The following CARMIL3 variants were observed in gnomAD, a reference collection of about 807,000 sequenced individuals.
CARMIL3 encodes capping protein regulator and myosin 1 linker 3.
CARMIL3 carries 88 observed loss-of-function variants against 180.8 expected under a neutral mutation model. The observed-to-expected ratio is 0.49, with a 90% confidence interval of 0.41 to 0.58. CARMIL3 has a LOEUF of 0.58. Ranked by LOEUF, CARMIL3 falls within the 20% of genes least tolerant of loss-of-function variation. CARMIL3 has a pLI of 0.00. For missense variants in CARMIL3, 1,548 were observed against 1,787.0 expected, an observed-to-expected ratio of 0.87 and a Z score of 2.41; for synonymous variants, 696 against 714.5, an observed-to-expected ratio of 0.97 and a Z score of 0.41.
chr14:24,057,130 T>C, intron 13 of CARMIL3, 37 bp from the exon 14 acceptor site: 1 of 1,607,292 alleles, frequency 6.2e-7, no homozygotes, highest in Non-Finnish European at 8.5e-7. Context: ...GACTCCATCA[T>C]CCCTTCCCCT....
chr14:24,066,194 A>C (rs1380286458), intron 34 of CARMIL3, among the ~76,000 whole-genome samples: 1 of 152,210 alleles, frequency 6.6e-6, no homozygotes, highest in Non-Finnish European at 1.5e-5. Flanking sequence ...ATATGTAACT[A>C]TAAAGATGGA....
chr14:24,068,246 A>T (rs1294255494), intron 36 of CARMIL3, among the ~76,000 whole-genome samples: 6 of 151,960 alleles, frequency 3.9e-5, no homozygotes, highest in African/African-American at 1.5e-4. Flanking sequence ...AAAATACAAA[A>T]ATTAGCTGGG....
chr14:24,060,912 C>G lies in CARMIL3; in HGVS notation c.2191-15C>G. ...CTGGTTCTGGCCTGCTAATCATAAC[C>G]CCTTCCTTCTCCAGCTGTTTCCCAG... On this transcript the variant is annotated splice_polypyrimidine_tract_variant and intron_variant, in intron 25 of 39. Transcript: ENST00000342740. 1 of 1,550,618 alleles carries G rather than the reference C, an allele frequency of 6.4e-7. No individual in the cohort carries two copies. Among genetic ancestry groups the G allele is most frequent in the Non-Finnish European group, 8.7e-7 (1 of 1,146,126 alleles).
chr14:24,058,871 T>C lies in CARMIL3; in HGVS notation c.1475-19T>C. 6.2e-7 allele frequency: 1 copy of C among 1,614,088 alleles called. No homozygotes were observed. The highest frequency in any genetic ancestry group is 8.5e-7 in the Non-Finnish European group (1 of 1,179,974). Reference sequence around the variant, plus strand: ...CAGCCTCAGGCCTCCAGGCCAGGCCTCTCCCATCTGCTCACCAGGGTTCGA... The same window carrying C: ...CAGCCTCAGGCCTCCAGGCCAGGCCCCTCCCATCTGCTCACCAGGGTTCGA... On this transcript the variant is annotated intron_variant, in intron 18 of 39. Coordinates refer to ENST00000342740, the MANE Select transcript of CARMIL3 (RefSeq NM_138360.4). This position sits in a 1 kb window ranked among gnomAD's most constrained non-coding sequence, Gnocchi z 6.4.
intron 27 of CARMIL3, 104 bp from the exon 28 acceptor site, chr14:24,062,376 G>A: frequency 9.5e-7 from 1 of 1,048,766 alleles, no homozygotes. Flanking sequence ...AGACAGACCA[G>A]GCCAGCTGGC....
chr14:24,064,940 T>TA lies in CARMIL3; in HGVS notation c.3081-17dup, dbSNP rs774024822. 2 of 1,605,918 alleles carry TA rather than the reference T, an allele frequency of 1.2e-6. No individual in the cohort carries two copies. Among genetic ancestry groups the TA allele is most frequent in the Non-Finnish European group, 1.7e-6 (2 of 1,177,620 alleles). On this transcript the variant is annotated splice_polypyrimidine_tract_variant and intron_variant, in intron 32 of 39. Coordinates refer to ENST00000342740, the MANE Select transcript of CARMIL3 (RefSeq NM_138360.4). ...TTGCATCTGGCATTTGTTGCTAACT[T>TA]ACCCCGATTCTCCCCAGCTACCCCC...
Position 24,058,076 on chromosome 14 carries a change from G to A in CARMIL3, c.1322+12G>A, listed in dbSNP as rs2035692392. On this transcript the variant is annotated intron_variant, in intron 16 of 39. Transcript: ENST00000342740. This position sits in a 1 kb window ranked among gnomAD's most constrained non-coding sequence, Gnocchi z 6.4. The stretch of plus-strand genomic sequence containing the variant: ...CTGGAGGCCCTCAGGTCGGGTGGGT[G>A]CAGGGTTGGGGGCGCATCCAAGGGA... 6.2e-7 allele frequency: 1 copy of A among 1,613,720 alleles called. No individual in the cohort carries two copies. Among genetic ancestry groups the A allele is most frequent in the African/African-American group, 1.3e-5 (1 of 74,920 alleles).
At chr14:24,057,320 T>G in intron 14 of CARMIL3, 76 bp downstream of exon 14, 1 of 1,346,878 alleles carries the variant, frequency 7.4e-7, no homozygotes, top group Admixed American at 1.9e-5. Flanking sequence ...TCACCCCCTA[T>G]CCCTGAGTAC....
Position 24,055,329 on chromosome 14 carries a change from G to A in CARMIL3, c.605+19G>A, listed in dbSNP as rs954720812. 3 of 1,613,592 alleles carry A rather than the reference G, an allele frequency of 1.9e-6. No homozygotes were observed. In the African/African-American group the frequency reaches 4.0e-5, roughly 22 times the overall value. On this transcript the variant is annotated intron_variant, in intron 8 of 39. Coordinates refer to ENST00000342740, the MANE Select transcript of CARMIL3 (RefSeq NM_138360.4). ...AGAGCCGGTAAGCAGATGGGGCAGA[G>A]ACTCCACCCTCAAATTCCCAAATTC...
At chr14:24,062,934 T>A in intron 29 of CARMIL3, 88 bp downstream of exon 29, 2 of 1,545,772 alleles carry the variant, frequency 1.3e-6, no homozygotes, top group South Asian at 2.5e-5. Context: ...TGATCTGTAC[T>A]CCCCTGGCCA....
Position 24,058,041 on chromosome 14 carries a change from A to T in CARMIL3, c.1299A>T (p.Thr433=). The change falls in exon 16 of 40, where the codon ACA becomes ACT. Residue 433 remains threonine, a synonymous_variant. Transcript: ENST00000342740. The surrounding 1 kb of genome is among the most constrained non-coding windows in gnomAD (Gnocchi z 6.4). Reference sequence around the variant, plus strand: ...TGAGCCACGTCAATCTGTCGGCCACAAAGCTGCCCCTGGAGGCCCTCAGGT... The same window carrying T: ...TGAGCCACGTCAATCTGTCGGCCACTAAGCTGCCCCTGGAGGCCCTCAGGT... ...YTLSHVNLSA[T]KLPLEALRAL... 9.3e-6 allele frequency: 15 copies of T among 1,613,752 alleles called. No individual in the cohort carries two copies. Among genetic ancestry groups the T allele is most frequent in the Non-Finnish European group, 1.2e-5 (14 of 1,179,980 alleles).
At position 24,054,924 on chromosome 14, in the gene CARMIL3, C is replaced by G; in HGVS notation, c.460+116C>G. 7.3e-7 allele frequency: 1 copy of G among 1,367,776 alleles called. No individual in the cohort carries two copies. Among genetic ancestry groups the G allele is most frequent in the Non-Finnish European group, 1.0e-6 (1 of 976,996 alleles). 84.7% of individuals were successfully genotyped at this position (1,367,776 alleles called of 1,614,324 possible). Reference sequence around the variant, plus strand: ...CGGGCTTTGCCTGCCTGAAGGACTCCCAGCTCCCAGACCTCAGGAAGTTCA... The same window carrying G: ...CGGGCTTTGCCTGCCTGAAGGACTCGCAGCTCCCAGACCTCAGGAAGTTCA... On this transcript the variant is annotated intron_variant, in intron 6 of 39. Transcript: ENST00000342740. This position sits in a 1 kb window ranked among gnomAD's most constrained non-coding sequence, Gnocchi z 5.1.
At chr14:24,063,750 AT>A (rs990564597) in intron 31 of CARMIL3, among the ~76,000 whole-genome samples, 2 of 152,130 alleles carry the variant, frequency 1.3e-5, no homozygotes, top group Non-Finnish European at 2.9e-5. Context: ...TGTCATTCTT[AT>A]TTTGGTGAAG....
Position 24,059,021 on chromosome 14 carries a change from C to T in CARMIL3, c.1571+35C>T. 1.2e-6 allele frequency: 2 copies of T among 1,610,346 alleles called. No homozygotes were observed. Among genetic ancestry groups the T allele is most frequent in the South Asian group, 2.2e-5 (2 of 90,676 alleles). On this transcript the variant is annotated intron_variant, in intron 19 of 39. Coordinates refer to ENST00000342740, the MANE Select transcript of CARMIL3 (RefSeq NM_138360.4). This position sits in a 1 kb window ranked among gnomAD's most constrained non-coding sequence, Gnocchi z 6.3. ...CCTTTCCATGCCCACAGACCCTCAT[C>T]CCATCATTCACCCATCCTCTTGGCT... is the stretch of plus-strand genomic sequence containing the variant.
In CARMIL3 at chr14:24,068,671, C is replaced by G; in HGVS notation, c.3770C>G (p.Pro1257Arg). The G allele has an allele frequency of 6.2e-7, 1 of 1,613,894 alleles. No individual in the cohort carries two copies. Among genetic ancestry groups the G allele is most frequent in the Non-Finnish European group, 8.5e-7 (1 of 1,179,908 alleles). ...GAGGAGAAGGAGGGGACCCTCTTCC[C>G]AGAGAGGACACTTCCAGCTAGGAAT... is the stretch of plus-strand genomic sequence containing the variant. ...GEEEKEGTLF[P>R]ERTLPARNAK... Residue 1257 changes from proline (P) to arginine (R), a missense_variant, in exon 37 of 40, where the codon CCA becomes CGA. Physicochemically the swap from Pro to Arg is moderately radical, Grantham distance 103. Transcript: ENST00000342740.
Position 24,065,680 on chromosome 14 carries a change from C to A in CARMIL3, c.3455C>A (p.Pro1152Gln), listed in dbSNP as rs2035779939. ...CCAGCCCCTGGGACAGCACAGCAGC[C>A]AAGGGTTCACGGTGTTGCCCTTCCC... Reference protein sequence around the residue: ...GGPAPGTAQQPRVHGVALPGL... With the variant: ...GGPAPGTAQQQRVHGVALPGL... The change falls in exon 34 of 40, where the codon CCA (proline) becomes CAA (glutamine). Residue 1152 changes from proline (P) to glutamine (Q), a missense_variant. Physicochemically the swap from Pro to Gln is moderately conservative, Grantham distance 76. This residue lies in a region of CARMIL3 where 668 missense variants were observed against 687.8 expected (regional missense o/e 0.97). Transcript: ENST00000342740. 1 of 1,613,910 alleles carries A rather than the reference C, an allele frequency of 6.2e-7. No individual in the cohort carries two copies. The highest frequency in any genetic ancestry group is 1.3e-5 in the African/African-American group (1 of 74,894).
rs765488858 is a variant in CARMIL3 at position 24,058,188 on chromosome 14, C to A, written c.1356C>A (p.His452Gln). ...ALLQGLSLNS[H>Q]LSDLHLDLSS... ...TTCAGGGCCTCTCCCTCAACAGTCA[C>A]CTCAGTGACCTGCACCTGGATCTCA... The change falls in exon 17 of 40, where the codon CAC becomes CAA. Residue 452 changes from histidine (H) to glutamine (Q), a missense_variant. By Grantham distance (24) the His-to-Gln change is conservative. Transcript: ENST00000342740. The surrounding 1 kb of genome is among the most constrained non-coding windows in gnomAD (Gnocchi z 6.4). The A allele has an allele frequency of 1.2e-5, 19 of 1,613,884 alleles. No homozygotes were observed. Among genetic ancestry groups the A allele is most frequent in the Non-Finnish European group, 5.9e-6 (7 of 1,180,002 alleles).
Position 24,061,944 on chromosome 14 carries a change from G to T in CARMIL3, c.2480+272G>T. 2.4e-6 allele frequency: 1 copy of T among 419,372 alleles called. No individual in the cohort carries two copies. The highest frequency in any genetic ancestry group is 4.3e-6 in the Non-Finnish European group (1 of 233,906). 26.0% of individuals were successfully genotyped at this position (419,372 alleles called of 1,614,324 possible). On this transcript the variant is annotated intron_variant, in intron 27 of 39. Transcript: ENST00000342740. This position sits in a 1 kb window ranked among gnomAD's most constrained non-coding sequence, Gnocchi z 4.1. ...AAATACACCAGGAATGGGATAGCAGGGCCTCCTCGGAGGCATGGACAAAGA... is the reference window on the plus strand; with the variant it reads ...AAATACACCAGGAATGGGATAGCAGTGCCTCCTCGGAGGCATGGACAAAGA...
In CARMIL3 at chr14:24,069,187, C is replaced by G. The variant is rs1176304370; in HGVS notation, c.4033C>G (p.Arg1345Gly). The change falls in exon 39 of 40, where the codon CGG becomes GGG. Residue 1345 changes from arginine to glycine, a missense_variant. Transcript: ENST00000342740. The part of the protein sequence containing the change: ...RTAPLKPKRT[R>G]RAQSCDKLEP... ...TGCCCCCCTGAAGCCCAAGAGGACA[C>G]GGCGGGCACAGTCCTGTGACAAGCT... The G allele has an allele frequency of 1.2e-6, 2 of 1,613,934 alleles. No homozygotes were observed. Among genetic ancestry groups the G allele is most frequent in the Non-Finnish European group, 1.7e-6 (2 of 1,179,998 alleles).
Sources: allele counts gnomAD v4.1 joint callset (sites outside exome capture counted in the v4.1 genomes callset), GRCh38; gene constraint gnomAD v4.1.1; regional missense constraint gnomAD v4.1.1; non-coding constraint Gnocchi (gnomAD v3.1); transcripts MANE v1.5; gene names NCBI Gene and HGNC (gene_info 2026-07-23, HGNC 2026-07-21).